The following ABR variants were observed in gnomAD, a reference collection of about 807,000 sequenced individuals.
ABR encodes ABR activator of RhoGEF and GTPase.
ABR carries 35 observed loss-of-function variants against 107.2 expected under a neutral mutation model. The observed-to-expected ratio is 0.33, with a 90% confidence interval of 0.25 to 0.43. The LOEUF is 0.43. ABR is among the 20% of genes least tolerant of loss of function. ABR has a pLI of 1.00. For synonymous variants in ABR, 498 were observed against 462.0 expected, an observed-to-expected ratio of 1.08 and a Z score of -1.00; for missense variants, 815 against 1,115.2, an observed-to-expected ratio of 0.73 and a Z score of 3.83.
intron 3 of ABR, among the ~76,000 whole-genome samples, chr17:1,095,523 G>C (rs952972664): frequency 1.3e-5 from 2 of 152,124 alleles, no homozygotes; most frequent in Admixed American, 6.5e-5. Flanking sequence ...GACCCACACT[G>C]AGCTTCGGCA....
chr17:1,093,443 TG>T (rs1391671411), intron 3 of ABR, among the ~76,000 whole-genome samples: 3 of 152,138 alleles, frequency 2.0e-5, no homozygotes, highest in African/African-American at 7.2e-5. Context: ...CACTCCAGCC[TG>T]GGTGACAGAG....
At position 1,117,095 on chromosome 17, in the gene ABR, C is replaced by T. The variant is rs117029635; in HGVS notation, c.246+8088G>A. On this transcript the variant is annotated intron_variant, in intron 2 of 22. Coordinates refer to ENST00000302538, the MANE Select transcript of ABR (RefSeq NM_021962.5). ...AAGAAGAGGCTGCAGTTCCTCCCAG[C>T]GTTATCCCTGAGCCTGAGTTCCTCC... Among the ~76,000 whole-genome samples the T allele has an allele frequency of 1.2e-3, 180 of 148,674 alleles. 49 individuals carry two copies. In the East Asian group the frequency reaches 0.013, roughly 11 times the overall value.
intron 4 of ABR, among the ~76,000 whole-genome samples, chr17:1,085,638 A>G (rs1193207682): frequency 6.6e-6 from 1 of 152,166 alleles, no homozygotes; most frequent in African/African-American, 2.4e-5. Flanking sequence ...ACCTGAGGCT[A>G]CCAAGCACCT....
rs2040644246 is a variant in ABR at position 1,148,429 on chromosome 17, TG to T, written c.62-23063del. Among the ~76,000 whole-genome samples, 1 of 152,104 alleles carries T rather than the reference TG, an allele frequency of 6.6e-6. No homozygotes were observed. Among genetic ancestry groups the T allele is most frequent in the Admixed American group, 6.6e-5 (1 of 15,266 alleles). On this transcript the variant is annotated intron_variant, in intron 1 of 22. Transcript: ENST00000302538. The surrounding 1 kb of genome is among the most constrained non-coding windows in gnomAD (Gnocchi z 4.9). ...AAGTAGGAGGGTGGTGGCCAGGAGC[TG>T]GGGGCTGGAGAAACGGGGAGCTGTT...
At chr17:1,144,601 A>AAG (rs1487926054) in intron 1 of ABR, among the ~76,000 whole-genome samples, 11 of 150,038 alleles carry the variant, frequency 7.3e-5, no homozygotes, top group African/African-American at 2.5e-4. Context: ...AAAAAAAAAA[A>AAG]GGGGCAGGGG....
rs1373630568 is a variant in ABR, at chr17:1,003,745, G to A, written c.*2335C>T. ...TTGCCCAGCAAGAACAGGCAGACCT[G>A]GCGTTTCTTAGCCTGACTCCTGCTG... On this transcript the variant is annotated 3_prime_UTR_variant, in exon 23 of 23. Coordinates refer to ENST00000302538, the MANE Select transcript of ABR (RefSeq NM_021962.5). 1 of 152,418 alleles carries A rather than the reference G, an allele frequency of 6.6e-6. No homozygotes were observed. Among genetic ancestry groups the A allele is most frequent in the African/African-American group, 2.4e-5 (1 of 41,440 alleles). 9.4% of individuals were successfully genotyped at this position (152,418 alleles called of 1,614,324 possible).
chr17:1,067,183 G>C lies in ABR; in HGVS notation c.1076C>G (p.Ser359Cys). ...YIPLADLVFPSPEESEASPQV... is the reference protein window; with the variant it reads ...YIPLADLVFPCPEESEASPQV... The stretch of plus-strand genomic sequence containing the variant: ...GGGGCTGGCCTCAGACTCCTCGGGG[G>C]ATGGAAACACCAGGTCGGCCAGGGG... The change falls in exon 10 of 23, where the codon TCC (serine) becomes TGC (cysteine). Residue 359 changes from serine (S) to cysteine (C), a missense_variant. This residue lies in a region of ABR where 385 missense variants were observed against 596.9 expected (regional missense o/e 0.64). Coordinates refer to ENST00000302538, the MANE Select transcript of ABR (RefSeq NM_021962.5). 1 of 1,613,360 alleles carries C rather than the reference G, an allele frequency of 6.2e-7. No homozygotes were observed. The highest frequency in any genetic ancestry group is 1.1e-5 in the South Asian group (1 of 91,026).
At chr17:1,055,050 A>G (rs2033099572) in intron 14 of ABR, among the ~76,000 whole-genome samples, 1 of 152,128 alleles carries the variant, frequency 6.6e-6, no homozygotes, top group South Asian at 2.1e-4. Context: ...TGACTCACAG[A>G]TTCCCGTGTG....
chr17:1,012,955 T>G (rs1464765088), intron 17 of ABR, 150 bp downstream of exon 17: 4 of 1,077,296 alleles, frequency 3.7e-6, no homozygotes, highest in Non-Finnish European at 5.6e-6. Flanking sequence ...GCGGGCAGGG[T>G]GTGGGCAGGA....
intron 2 of ABR, among the ~76,000 whole-genome samples, chr17:1,112,082 G>A (rs1450596417): frequency 1.3e-5 from 2 of 152,122 alleles, no homozygotes; most frequent in African/African-American, 4.8e-5. Flanking sequence ...ACCCCACCAA[G>A]CTTTAGAGCC....
chr17:1,178,955 T>C (rs1425785233), intron 1 of ABR, among the ~76,000 whole-genome samples: 12 of 151,086 alleles, frequency 7.9e-5, no homozygotes, highest in Non-Finnish European at 1.6e-4. Flanking sequence ...AGCAATCACA[T>C]GATCCAGAGA....
chr17:1,024,793 A>T (rs2072044474), intron 16 of ABR, among the ~76,000 whole-genome samples: 1 of 149,244 alleles, frequency 6.7e-6, no homozygotes, highest in Non-Finnish European at 1.5e-5. Flanking sequence ...CAAAAAAAAA[A>T]AAAAAAAAAA....
At chr17:1,109,136 A>G in intron 2 of ABR, 8 of 747,948 alleles carry the variant, frequency 1.1e-5, no homozygotes, top group Non-Finnish European at 2.0e-6. Context: ...AGGAGGGAGG[A>G]GGGAGGAGGC....
At chr17:1,190,614 T>C (rs1567878219), upstream of ABR, among the ~76,000 whole-genome samples, 2 of 152,142 alleles carry the variant, frequency 1.3e-5, no homozygotes, top group African/African-American at 4.8e-5. Context: ...CACTCCAGCC[T>C]GGGCAAGAGA....
At position 1,085,115 on chromosome 17, in the gene ABR, T is replaced by C. The variant is rs532000622; in HGVS notation, c.532-1488A>G. ...CTGCGCCCGGCCAATTAAAACTTTTTTTTTTTTTTTTTTTTGAGATGGAGT... is the reference window on the plus strand; with the variant it reads ...CTGCGCCCGGCCAATTAAAACTTTTCTTTTTTTTTTTTTTTGAGATGGAGT... On this transcript the variant is annotated intron_variant, in intron 4 of 22. Transcript: ENST00000302538. Among the ~76,000 whole-genome samples the C allele has an allele frequency of 2.2e-3, 279 of 126,616 alleles. 1 individual carries two copies. The highest frequency in any genetic ancestry group is 7.9e-3 in the African/African-American group (261 of 33,236). 83.1% of individuals were successfully genotyped at this position (126,616 alleles called of 152,430 possible). A position where few individuals can be genotyped will look rare whatever the true frequency, so the allele number is the denominator to read the frequency against.
rs112341351 is a variant in ABR at position 1,071,747 on chromosome 17, G to C, written c.894+867C>G. 7.4e-4 allele frequency among the ~76,000 whole-genome samples: 112 copies of C among 152,380 alleles called. 1 individual carries two copies. The highest frequency in any genetic ancestry group is 2.5e-3 in the African/African-American group (105 of 41,602). Reference sequence around the variant, plus strand: ...ACGGCATCACACTGGCCAGAGGCAGGTGTCTGCATTCAAGAATGAGGCACC... The same window carrying C: ...ACGGCATCACACTGGCCAGAGGCAGCTGTCTGCATTCAAGAATGAGGCACC... On this transcript the variant is annotated intron_variant, in intron 8 of 22. Coordinates refer to ENST00000302538, the MANE Select transcript of ABR (RefSeq NM_021962.5). The surrounding 1 kb of genome is among the most constrained non-coding windows in gnomAD (Gnocchi z 5.1).
chr17:1,171,138 G>A (rs559263330), intron 1 of ABR, among the ~76,000 whole-genome samples: 1 of 152,294 alleles, frequency 6.6e-6, no homozygotes, highest in East Asian at 1.9e-4. Flanking sequence ...TAACGCGAAC[G>A]GGGTAACCAC....
chr17:1,182,128 G>A (rs12940480), upstream of ABR: 29,251 of 152,120 alleles, frequency 0.19, 3,496 homozygotes, highest in Middle Eastern at 0.32. Context: ...TAGAGGGAGA[G>A]ACAAATCTTG....
exon 1 of ABR, chr17:1,187,263 C>T (rs903292854): frequency 2.0e-5 from 3 of 152,438 alleles, no homozygotes; most frequent in Admixed American, 6.5e-5. Context: ...CCGGTCGGGC[C>T]GTGTGTGCTG....
Sources: allele counts gnomAD v4.1 joint callset (sites outside exome capture counted in the v4.1 genomes callset), GRCh38; gene constraint gnomAD v4.1.1; regional missense constraint gnomAD v4.1.1; non-coding constraint Gnocchi (gnomAD v3.1); transcripts MANE v1.5; gene names NCBI Gene and HGNC (gene_info 2026-07-23, HGNC 2026-07-21).